SEC14L5: variants seen among roughly 807,000 people sequenced by gnomAD.
The protein encoded by SEC14L5 is SEC14-like protein 5.
A neutral mutation model predicts 84.6 loss-of-function variants in SEC14L5; 96 were observed. The observed-to-expected ratio is 1.13, with a 90% CI of 0.96 to 1.34. The LOEUF is 1.34. Ranked by LOEUF, SEC14L5 falls within the 40% of genes most tolerant of loss-of-function variation. The pLI is 0.00. For synonymous variants in SEC14L5, 546 were observed against 383.4 expected (o/e 1.42, Z -4.95); for missense variants, 1,224 against 942.5 (o/e 1.30, Z -3.91).
chr16:4,979,530 A>G (rs147426048), intron 2 of SEC14L5, among the ~76,000 whole-genome samples: 1 of 152,304 alleles, frequency 6.6e-6, no homozygotes, highest in Admixed American at 6.5e-5. Context: ...GGGCAGCTGA[A>G]AATTGTCCAA....
At chr16:5,014,392 A>G (rs960104489) in intron 15 of SEC14L5, among the ~76,000 whole-genome samples, 1 of 152,188 alleles carries the variant, frequency 6.6e-6, no homozygotes, top group Non-Finnish European at 1.5e-5. Flanking sequence ...TCTATACAAG[A>G]AAAGAAAGTT....
intron 13 of SEC14L5, among the ~76,000 whole-genome samples, chr16:5,008,073 A>AT (rs546597544): frequency 1.9e-3 from 278 of 146,228 alleles, no homozygotes; most frequent in African/African-American, 6.4e-3. Context: ...ATGCCTGGCT[A>AT]TTTTTTTTTT....
intron 2 of SEC14L5, among the ~76,000 whole-genome samples, chr16:4,980,397 G>T (rs1955407113): frequency 6.6e-6 from 1 of 152,044 alleles, no homozygotes; most frequent in South Asian, 2.1e-4. Context: ...CCTCCCCTCC[G>T]TGCCTGTTAT....
At chr16:4,989,636 C>T (rs528330786) in intron 4 of SEC14L5, among the ~76,000 whole-genome samples, 6 of 152,300 alleles carry the variant, frequency 3.9e-5, no homozygotes, top group African/African-American at 1.2e-4. Context: ...CATGAGCCAC[C>T]GTACCCGGCT....
intron 2 of SEC14L5, among the ~76,000 whole-genome samples, chr16:4,962,173 A>AT: frequency 6.6e-6 from 1 of 151,644 alleles, no homozygotes; most frequent in Non-Finnish European, 1.5e-5. Flanking sequence ...CTCAAAAAAA[A>AT]AAAAAAAAAG....
Position 5,016,186 on chromosome 16 carries a change from C to T in SEC14L5, c.*1216C>T, listed in dbSNP as rs1004639675. On this transcript the variant is annotated 3_prime_UTR_variant, in exon 16 of 16. Transcript: ENST00000251170. Reference sequence around the variant, plus strand: ...TGTGTTTGCCCTGGGGCAGATATGACTCTGGAACTAGGTTCAATATTGACA... The same window carrying T: ...TGTGTTTGCCCTGGGGCAGATATGATTCTGGAACTAGGTTCAATATTGACA... 5 of 152,126 alleles carry T rather than the reference C, an allele frequency of 3.3e-5. No individual in the cohort carries two copies. Among genetic ancestry groups the T allele is most frequent in the African/African-American group, 1.2e-4 (5 of 41,410 alleles). The allele number at this position is 152,126 out of a possible 1,614,324, so 9.4% of individuals were successfully genotyped here. A position where few individuals can be genotyped will look rare whatever the true frequency, so the allele number is the denominator to read the frequency against.
intron 8 of SEC14L5, among the ~76,000 whole-genome samples, chr16:4,998,562 C>A (rs1488073184): frequency 6.7e-6 from 1 of 148,576 alleles, no homozygotes; most frequent in Admixed American, 6.7e-5. Flanking sequence ...AACGGTGAAA[C>A]CCCGTCTCTA....
intron 10 of SEC14L5, among the ~76,000 whole-genome samples, chr16:5,001,195 C>T (rs1955672835): frequency 6.6e-6 from 1 of 150,768 alleles, no homozygotes; most frequent in Non-Finnish European, 1.5e-5. Context: ...TCCTGTCTGG[C>T]TTCTAGCTCG....
intron 2 of SEC14L5, among the ~76,000 whole-genome samples, chr16:4,967,568 T>TCA (rs1955218600): frequency 9.3e-6 from 1 of 107,822 alleles, no homozygotes; most frequent in African/African-American, 4.7e-5. Context: ...TTTCGTTTTT[T>TCA]TTTTTTTTTT....
chr16:4,977,476 A>AAAAAGAAG (rs1955359837), intron 2 of SEC14L5, among the ~76,000 whole-genome samples: 2 of 150,706 alleles, frequency 1.3e-5, no homozygotes, highest in South Asian at 4.2e-4. Context: ...AAAAGGAAAA[A>AAAAAGAAG]AAAAGAAAAG....
chr16:4,961,221 C>T (rs183039314), intron 2 of SEC14L5, among the ~76,000 whole-genome samples: 17 of 152,242 alleles, frequency 1.1e-4, no homozygotes, highest in Admixed American at 3.3e-4. Context: ...TGCAGAGAGC[C>T]GAGATTGCGC....
At chr16:5,014,484 G>T (rs1188582614) in intron 15 of SEC14L5, among the ~76,000 whole-genome samples, 1 of 152,230 alleles carries the variant, frequency 6.6e-6, no homozygotes, top group South Asian at 2.1e-4. Context: ...TCTGCCTCAG[G>T]CTCAGCGCAC....
chr16:5,005,836 C>G, intron 11 of SEC14L5, 78 bp from the exon 12 acceptor site: 2 of 1,412,064 alleles, frequency 1.4e-6, no homozygotes, highest in Non-Finnish European at 1.9e-6. Flanking sequence ...TGCACTCCAG[C>G]CTGGGCGACT....
chr16:4,979,477 G>A (rs1327919049), intron 2 of SEC14L5, among the ~76,000 whole-genome samples: 1 of 152,190 alleles, frequency 6.6e-6, no homozygotes, highest in African/African-American at 2.4e-5. Context: ...TGAGCCCAGT[G>A]TATGCCTCGG....
chr16:4,994,218 A>G (rs1955582954), intron 6 of SEC14L5, among the ~76,000 whole-genome samples: 1 of 152,184 alleles, frequency 6.6e-6, no homozygotes. Flanking sequence ...ACTCAGGTTG[A>G]TAATGTTTTT....
At chr16:4,990,566 C>T (rs1191236019) in intron 4 of SEC14L5, among the ~76,000 whole-genome samples, 1 of 152,202 alleles carries the variant, frequency 6.6e-6, no homozygotes, top group East Asian at 1.9e-4. Context: ...CATGAGAAGG[C>T]TTTTTGTTCC....
rs201762024 is a variant in SEC14L5 at position 4,989,297 on chromosome 16, T to TG, written c.345+1018dup. Reference sequence around the variant, plus strand: ...GATAGCAATGGTAGACCATTGTACGTGTTTTTTTTTTTGTTTGTTTGTTTG... The same window carrying TG: ...GATAGCAATGGTAGACCATTGTACGTGGTTTTTTTTTTTGTTTGTTTGTTTG... On this transcript the variant is annotated intron_variant, in intron 4 of 15. Transcript: ENST00000251170. Among the ~76,000 whole-genome samples the TG allele has an allele frequency of 1.4e-3, 190 of 135,708 alleles. 1 individual carries two copies. The highest frequency in any genetic ancestry group is 4.8e-3 in the African/African-American group (179 of 37,596). The allele number at this position is 135,708 out of a possible 152,430, so 89.0% of individuals were successfully genotyped here.
chr16:4,976,651 G>A (rs188102358), intron 2 of SEC14L5, among the ~76,000 whole-genome samples: 2 of 152,324 alleles, frequency 1.3e-5, no homozygotes, highest in African/African-American at 4.8e-5. Flanking sequence ...TTTCCAGGAT[G>A]GGGACCCGTA....
intron 2 of SEC14L5, among the ~76,000 whole-genome samples, chr16:4,965,056 C>A (rs920537453): frequency 6.6e-6 from 1 of 152,078 alleles, no homozygotes; most frequent in African/African-American, 2.4e-5. Context: ...TTTAAAACTA[C>A]CTCATTCAGG....
Sources: gnomAD v4.1 joint callset for allele counts (sites outside exome capture counted in the v4.1 genomes callset) on GRCh38, gnomAD v4.1.1 for gene constraint, MANE v1.5 for transcripts, NCBI Gene and HGNC (gene_info 2026-07-23, HGNC 2026-07-21) for gene names.